The following VAT1L variants were observed in gnomAD, a reference collection of about 807,000 sequenced individuals.
VAT1L encodes vesicle amine transport 1 like, also known as putative NADPH-dependent quinone oxidoreductase VAT1L.
In VAT1L, 34 loss-of-function variants were observed where a neutral mutation model predicts 44.1. That is an observed-to-expected ratio of 0.77 (90% CI 0.59 to 1.03). The LOEUF (loss-of-function observed/expected upper bound fraction) is 1.03. Among genes scored for constraint, VAT1L ranks in the 50% least tolerant of loss-of-function variants. The pLI, the probability that VAT1L is intolerant of heterozygous loss-of-function variation, is 0.00. For synonymous variants in VAT1L, 253 were observed against 202.2 expected, an observed-to-expected ratio of 1.25 and a Z score of -2.13; for missense variants, 615 against 538.8, an observed-to-expected ratio of 1.14 and a Z score of -1.40.
chr16:77,918,171 C>G (rs1011157540), intron 7 of VAT1L, among the ~76,000 whole-genome samples: 19 of 152,178 alleles, frequency 1.2e-4, no homozygotes, highest in African/African-American at 4.1e-4. Context: ...GGAAGTTTCT[C>G]TCACTGACAC....
At chr16:77,965,807 C>T (rs568054117) in intron 7 of VAT1L, among the ~76,000 whole-genome samples, 9 of 152,212 alleles carry the variant, frequency 5.9e-5, no homozygotes, top group Non-Finnish European at 1.3e-4. Flanking sequence ...ATCTCACTGT[C>T]TCCACATATC....
intron 4 of VAT1L, among the ~76,000 whole-genome samples, chr16:77,870,219 C>T (rs2017017086): frequency 6.6e-6 from 1 of 152,186 alleles, no homozygotes. Context: ...GTGTCCAGTC[C>T]TCTATAAGAA....
chr16:77,839,145 G>A (rs1296348191), intron 3 of VAT1L, among the ~76,000 whole-genome samples: 1 of 152,164 alleles, frequency 6.6e-6, no homozygotes, highest in Non-Finnish European at 1.5e-5. Flanking sequence ...CAAGATGACT[G>A]TGCTCAGGGA....
chr16:77,830,887 T>C (rs1031147094), intron 3 of VAT1L, among the ~76,000 whole-genome samples: 4 of 152,180 alleles, frequency 2.6e-5, no homozygotes, highest in African/African-American at 9.7e-5. Context: ...TTTCACCACG[T>C]TGGCGAGGCT....
chr16:77,814,627 G>A (rs1002306015), intron 1 of VAT1L, among the ~76,000 whole-genome samples: 1 of 152,094 alleles, frequency 6.6e-6, no homozygotes, highest in African/African-American at 2.4e-5. Flanking sequence ...CAGGGCCTTG[G>A]GAAATCATTG....
chr16:77,826,733 A>G (rs1233579674), intron 3 of VAT1L, among the ~76,000 whole-genome samples: 4 of 152,194 alleles, frequency 2.6e-5, no homozygotes, highest in Admixed American at 1.3e-4. Context: ...TGAGAGTGGA[A>G]GGTACTACCT....
At chr16:77,924,218 G>A (rs1171906705) in intron 7 of VAT1L, among the ~76,000 whole-genome samples, 1 of 150,702 alleles carries the variant, frequency 6.6e-6, no homozygotes, top group Non-Finnish European at 1.5e-5. Context: ...TTCAATATTT[G>A]CTATTTTCTA....
At chr16:77,849,528 GT>G (rs1488459086) in intron 3 of VAT1L, among the ~76,000 whole-genome samples, 1 of 152,148 alleles carries the variant, frequency 6.6e-6, no homozygotes, top group Non-Finnish European at 1.5e-5. Context: ...AATATTAACA[GT>G]GAAATAATTT....
chr16:77,913,594 T>A (rs1013202190), intron 7 of VAT1L, among the ~76,000 whole-genome samples: 1 of 152,110 alleles, frequency 6.6e-6, no homozygotes, highest in Non-Finnish European at 1.5e-5. Flanking sequence ...CCATTGTTGG[T>A]TCTTCTCCTT....
At chr16:77,805,880 T>TTTTTTTTTTTTTTTGTTG (rs1597168605) in intron 1 of VAT1L, among the ~76,000 whole-genome samples, 1 of 145,218 alleles carries the variant, frequency 6.9e-6, no homozygotes, top group African/African-American at 2.5e-5. Flanking sequence ...TTTTTTTTTT[T>TTTTTTTTTTTTTTTGTTG]GAGATGGAGT....
chr16:77,949,993 C>G (rs1038479733), intron 7 of VAT1L, among the ~76,000 whole-genome samples: 1 of 152,216 alleles, frequency 6.6e-6, no homozygotes, highest in African/African-American at 2.4e-5. Flanking sequence ...TTTCCCTCAG[C>G]CATGGCTCTG....
intron 7 of VAT1L, among the ~76,000 whole-genome samples, chr16:77,969,487 G>A (rs554295188): frequency 3.9e-5 from 6 of 152,106 alleles, no homozygotes; most frequent in South Asian, 4.2e-4. Context: ...ATTGACTGTC[G>A]GCTGGGGTCT....
In VAT1L at chr16:77,879,810, T is replaced by G. The variant is rs961959816; in HGVS notation, c.882+586T>G. On this transcript the variant is annotated intron_variant, in intron 6 of 8. Coordinates refer to ENST00000302536, the MANE Select transcript of VAT1L (RefSeq NM_020927.3). The surrounding 1 kb of genome is among the most constrained non-coding windows in gnomAD (Gnocchi z 4.1). Reference sequence around the variant, plus strand: ...CTTAAGTGTTGGTGTCTTTAATTATTGGTCAAAAATGAACTTAGCATTAGT... The same window carrying G: ...CTTAAGTGTTGGTGTCTTTAATTATGGGTCAAAAATGAACTTAGCATTAGT... Among the ~76,000 whole-genome samples the G allele has an allele frequency of 6.6e-6, 1 of 152,234 alleles. No individual in the cohort carries two copies. The highest frequency in any genetic ancestry group is 1.5e-5 in the Non-Finnish European group (1 of 68,042).
At chr16:77,925,695 G>A (rs1326185900) in intron 7 of VAT1L, among the ~76,000 whole-genome samples, 1 of 152,088 alleles carries the variant, frequency 6.6e-6, no homozygotes, top group Non-Finnish European at 1.5e-5. Context: ...TGCAGATGAC[G>A]TAAAATCTAG....
At chr16:77,901,631 A>G (rs756173884) in intron 7 of VAT1L, among the ~76,000 whole-genome samples, 8 of 152,030 alleles carry the variant, frequency 5.3e-5, no homozygotes, top group Non-Finnish European at 1.2e-4. Context: ...TGTGGTTCTA[A>G]CTCCCAGGTT....
intron 6 of VAT1L, among the ~76,000 whole-genome samples, chr16:77,880,756 C>CG (rs149590740): frequency 0.032 from 4,896 of 151,980 alleles, 296 homozygotes; most frequent in African/African-American, 0.11. Context: ...CCCCTGCCCC[C>CG]CTCCCAGTCC....
In VAT1L at chr16:77,945,277, A is replaced by ATTTTTTTTTTTTT. The variant is rs1567517602; in HGVS notation, c.1078-26573_1078-26572insTTTTTTTTTTTTT. ...GGAATGGCCAATTCCAGATTGCAGA[A>ATTTTTTTTTTTTT]CTTTTTTTTTTTTTTTTGAGAGAGA... On this transcript the variant is annotated intron_variant, in intron 7 of 8. Coordinates refer to ENST00000302536, the MANE Select transcript of VAT1L (RefSeq NM_020927.3). 5.4e-4 allele frequency among the ~76,000 whole-genome samples: 5 copies of ATTTTTTTTTTTTT among 9,282 alleles called. 1 individual carries two copies. The highest frequency in any genetic ancestry group is 1.7e-3 in the Admixed American group (1 of 606). 6.1% of individuals were successfully genotyped at this position (9,282 alleles called of 152,430 possible).
intron 7 of VAT1L, among the ~76,000 whole-genome samples, chr16:77,920,304 G>A (rs1239500955): frequency 1.3e-5 from 2 of 152,148 alleles, no homozygotes; most frequent in African/African-American, 2.4e-5. Flanking sequence ...TGTTCAAAAG[G>A]TGGAGGAAAC....
chr16:77,883,213 C>T (rs764690398), intron 6 of VAT1L, among the ~76,000 whole-genome samples: 1 of 152,204 alleles, frequency 6.6e-6, no homozygotes, highest in Non-Finnish European at 1.5e-5. Context: ...TTCCTCTTTG[C>T]ATCCTGTATT....
Sources: gnomAD v4.1 joint callset for allele counts (sites outside exome capture counted in the v4.1 genomes callset) on GRCh38, gnomAD v4.1.1 for gene constraint, Gnocchi (gnomAD v3.1) non-coding constraint, MANE v1.5 for transcripts, NCBI Gene and HGNC (gene_info 2026-07-23, HGNC 2026-07-21) for gene names.